The following TTC6 variants were observed in gnomAD, a reference collection of about 807,000 sequenced individuals.
TTC6 encodes the protein tetratricopeptide repeat domain 6, also known as tetratricopeptide repeat protein 6.
Under a neutral mutation model 210.4 loss-of-function variants are expected in TTC6, and 172 were observed. The ratio of observed to expected loss-of-function variants is 0.82; its 90% CI spans 0.72 to 0.93. The LOEUF (loss-of-function observed/expected upper bound fraction) is 0.93. Among genes scored for constraint, TTC6 ranks in the 40% least tolerant of loss-of-function variants. TTC6 has a pLI of 0.00. For missense variants in TTC6, 2,414 were observed against 2,318.1 expected, an observed-to-expected ratio of 1.04 and a Z score of -0.85; for synonymous variants, 804 against 819.6, an observed-to-expected ratio of 0.98 and a Z score of 0.32.
exon 16 of TTC6, chr14:37,790,772 C>G: frequency 2.0e-6 from 3 of 1,534,388 alleles, no homozygotes; most frequent in Non-Finnish European, 1.7e-6. Context: ...GGGGAATAGT[C>G]TATGCACATC....
chr14:37,679,346 G>C (rs1045321410), intron 1 of TTC6, among the ~76,000 whole-genome samples: 20 of 152,056 alleles, frequency 1.3e-4, no homozygotes, highest in Non-Finnish European at 1.6e-4. Context: ...ACAGAACCTG[G>C]GTCTCTTTAT....
intron 14 of TTC6, among the ~76,000 whole-genome samples, chr14:37,774,620 C>G (rs2096031392): frequency 6.6e-6 from 1 of 152,074 alleles, no homozygotes; most frequent in Non-Finnish European, 1.5e-5. Context: ...TTTTGACTTG[C>G]TGCTGGATTT....
At chr14:37,827,116 C>G (rs1595323720) in intron 28 of TTC6, 80 bp from the exon 31 acceptor site, 1 of 1,173,300 alleles carries the variant, frequency 8.5e-7, no homozygotes, top group Non-Finnish European at 1.2e-6. Context: ...AGTAGATTCC[C>G]TAATGTTCAT....
Position 37,679,745 on chromosome 14 carries a change from C to T in TTC6, c.940-406C>T, listed in dbSNP as rs528068079. On this transcript the variant is annotated intron_variant, in intron 1 of 30. Transcript: ENST00000553443. ...CCCTCTTGTTGTCCAGGCTGTAGTGCAATGGCATGATCTCAGCTCACTGCA... is the reference window on the plus strand; with the variant it reads ...CCCTCTTGTTGTCCAGGCTGTAGTGTAATGGCATGATCTCAGCTCACTGCA... 6.6e-5 allele frequency among the ~76,000 whole-genome samples: 10 copies of T among 152,166 alleles called. No homozygotes were observed. The South Asian group carries it at 2.1e-3, about 32-fold the overall frequency.
intron 1 of TTC6, among the ~76,000 whole-genome samples, chr14:37,627,191 A>G (rs897956996): frequency 2.0e-5 from 3 of 152,188 alleles, no homozygotes; most frequent in African/African-American, 7.2e-5. Context: ...AGGCCTCCCC[A>G]GAAGGCGATG....
At chr14:37,672,820 C>CCTTTTTTTTTTTTTTTTTTT (rs2095760882) in intron 1 of TTC6, among the ~76,000 whole-genome samples, 1 of 118,910 alleles carries the variant, frequency 8.4e-6, no homozygotes, top group Non-Finnish European at 1.7e-5. Flanking sequence ...ATGAATTCCT[C>CCTTTTTTTTTTTTTTTTTTT]ATTTTTTTTT....
intron 1 of TTC6, among the ~76,000 whole-genome samples, chr14:37,600,807 G>A (rs376221638): frequency 3.3e-5 from 5 of 152,200 alleles, no homozygotes; most frequent in East Asian, 3.9e-4. Context: ...ACTGTTGGGT[G>A]GCTGCTTCTG....
At chr14:37,792,404 C>T in exon 17 of TTC6, 4 of 1,507,906 alleles carry the variant, frequency 2.7e-6, no homozygotes, top group Non-Finnish European at 3.5e-6. Context: ...CGGGCGGAAA[C>T]CTATTTTAAG....
chr14:37,787,260 G>A (rs536487380), intron 14 of TTC6, among the ~76,000 whole-genome samples: 18 of 152,054 alleles, frequency 1.2e-4, no homozygotes, highest in Non-Finnish European at 2.5e-4. Context: ...TACCTGATAA[G>A]CATATAATTA....
intron 7 of TTC6, among the ~76,000 whole-genome samples, chr14:37,727,123 G>A (rs934767277): frequency 6.6e-6 from 1 of 151,050 alleles, no homozygotes; most frequent in Non-Finnish European, 1.5e-5. Context: ...ATTAGATATC[G>A]TGGCCAGTCA....
intron 1 of TTC6, among the ~76,000 whole-genome samples, chr14:37,676,326 T>C (rs1287454165): frequency 6.6e-6 from 1 of 152,050 alleles, no homozygotes; most frequent in Non-Finnish European, 1.5e-5. Flanking sequence ...TTTCTGTTGT[T>C]TTTTTCTACC....
chr14:37,624,518 T>G (rs1185840801), intron 1 of TTC6, among the ~76,000 whole-genome samples: 3 of 152,314 alleles, frequency 2.0e-5, no homozygotes, highest in African/African-American at 7.2e-5. Context: ...AAGATTGTAT[T>G]TTGACAGGCT....
chr14:37,821,046 CTTCTTCCTT>C (rs750054963), intron 26 of TTC6, among the ~76,000 whole-genome samples: 295 of 129,898 alleles, frequency 2.3e-3, no homozygotes, highest in Middle Eastern at 8.1e-3. Context: ...TCTTCTTCTT[CTTCTTCCTT>C]CTTCTTTCTT....
At chr14:37,616,749 A>G (rs995491216) in intron 2 of TTC6, among the ~76,000 whole-genome samples, 4 of 152,006 alleles carry the variant, frequency 2.6e-5, no homozygotes, top group African/African-American at 9.7e-5. Context: ...CAAAAAAAAA[A>G]AAAAAAAAGA....
chr14:37,735,816 C>T, intron 7 of TTC6, 105 bp from the exon 10 acceptor site: 1 of 610,646 alleles, frequency 1.6e-6, no homozygotes. Flanking sequence ...TATGTTTTCT[C>T]TTTGGTTCTT....
At position 37,663,520 on chromosome 14, in the gene TTC6, T is replaced by A. The variant is rs972747083; in HGVS notation, c.940-16631T>A. Among the ~76,000 whole-genome samples, 5 of 152,198 alleles carry A rather than the reference T, an allele frequency of 3.3e-5. No homozygotes were observed. The South Asian group carries it at 1.0e-3, about 32-fold the overall frequency. ...AAACATTATTTATTATGATAAGTTA[T>A]CAAGATTTGTGAGTTAATTTGAAGT... is the stretch of plus-strand genomic sequence containing the variant. On this transcript the variant is annotated intron_variant, in intron 1 of 30. Transcript: ENST00000553443.
At chr14:37,670,712 C>T (rs138034850) in intron 1 of TTC6, among the ~76,000 whole-genome samples, 1 of 152,048 alleles carries the variant, frequency 6.6e-6, no homozygotes, top group African/African-American at 2.4e-5. Context: ...CTAGAGTGAT[C>T]TGCCTGCCTC....
At chr14:37,842,081 A>AT (rs987156564) in intron 30 of TTC6, 74 bp from the exon 33 acceptor site, 1,765 of 1,280,006 alleles carry the variant, frequency 1.4e-3, no homozygotes, top group South Asian at 2.9e-3. Context: ...TTCTTATCCA[A>AT]TTTTTTTTTG....
chr14:37,822,360 T>C (rs2139488810), intron 26 of TTC6, among the ~76,000 whole-genome samples: 1 of 152,332 alleles, frequency 6.6e-6, no homozygotes, highest in South Asian at 2.1e-4. Flanking sequence ...TGGGAATCAC[T>C]GGTTTAAGAG....
Sources: gnomAD v4.1 joint callset for allele counts (sites outside exome capture counted in the v4.1 genomes callset) on GRCh38, gnomAD v4.1.1 for gene constraint, MANE v1.5 for transcripts, NCBI Gene and HGNC (gene_info 2026-07-23, HGNC 2026-07-21) for gene names.